The following ABCG1 variants were observed in gnomAD, a reference collection of about 807,000 sequenced individuals.
ABCG1 encodes the protein ATP-binding cassette sub-family G member 1.
A neutral mutation model predicts 69.2 loss-of-function variants in ABCG1; 29 were observed. The ratio of observed to expected loss-of-function variants is 0.42; its 90% CI spans 0.31 to 0.57. The LOEUF (loss-of-function observed/expected upper bound fraction) is 0.57. Ranked by LOEUF, ABCG1 falls within the 20% of genes least tolerant of loss-of-function variation. The probability of loss-of-function intolerance (pLI) is 0.15; values close to 1 mark genes in which losing one functional copy is unlikely to be tolerated. For missense variants in ABCG1, 718 were observed against 898.1 expected (o/e 0.80, Z 2.56); for synonymous variants, 370 against 374.8 (o/e 0.99, Z 0.15).
In ABCG1 at chr21:42,294,544, G is replaced by A. The variant is rs1447443273; in HGVS notation, c.1656G>A (p.Val552=). Reference sequence around the variant, plus strand: ...GTCCTGTGTGCCCCCAACTCCAGGTGGCCACTTTCGTGGGCCCAGTGACAG... The same window carrying A: ...GTCCTGTGTGCCCCCAACTCCAGGTAGCCACTTTCGTGGGCCCAGTGACAG... ...LIGAASTSLQ[V]ATFVGPVTAI... is the part of the protein sequence containing the mutation. The change falls in exon 14 of 15, where the codon GTG becomes GTA. Residue 552 remains valine, a splice_region_variant and synonymous_variant. Transcript: ENST00000398449. 5.0e-6 allele frequency: 8 copies of A among 1,613,550 alleles called. No individual in the cohort carries two copies. The Admixed American group carries it at 1.3e-4, about 27-fold the overall frequency.
At position 42,287,729 on chromosome 21, in the gene ABCG1, G is replaced by A. The variant is rs567477765; in HGVS notation, c.974-160G>A. Among the ~76,000 whole-genome samples the A allele has an allele frequency of 2.0e-5, 3 of 152,262 alleles. No individual in the cohort carries two copies. The highest frequency in any genetic ancestry group is 1.3e-4 in the Admixed American group (2 of 15,286). On this transcript the variant is annotated intron_variant, in intron 8 of 14. Transcript: ENST00000398449. The surrounding 1 kb of genome is among the most constrained non-coding windows in gnomAD (Gnocchi z 6.2). The stretch of plus-strand genomic sequence containing the variant: ...TTGCTGGGGGGTTTGAGAGCCGCAC[G>A]CTGGTTGATAAATGATTTTGACGTC...
At position 42,219,203 on chromosome 21, in the gene ABCG1, C is replaced by G. The variant is rs2067679673; in HGVS notation, c.-60C>G. ...GCCGGGAGCCAGCGCAGCCTCGGCC[C>G]CGCAGCTCAAGCCTCGTCCCCGCCG... On this transcript the variant is annotated 5_prime_UTR_variant, in exon 1 of 15. Coordinates refer to ENST00000398449, the MANE Select transcript of ABCG1 (RefSeq NM_016818.3). The surrounding 1 kb of genome is among the most constrained non-coding windows in gnomAD (Gnocchi z 5.3). 1.4e-6 allele frequency: 2 copies of G among 1,410,474 alleles called. No individual in the cohort carries two copies. The highest frequency in any genetic ancestry group is 2.8e-5 in the Admixed American group (1 of 35,532). 87.4% of individuals were successfully genotyped at this position (1,410,474 alleles called of 1,614,324 possible).
At chr21:42,218,884 C>A (rs1372759959), upstream of ABCG1, among the ~76,000 whole-genome samples, 3 of 152,198 alleles carry the variant, frequency 2.0e-5, no homozygotes, top group African/African-American at 4.8e-5. Context: ...CGCAGCCTCA[C>A]CCGTGCTGGC....
At chr21:42,280,619 G>A (rs1011165142) in intron 5 of ABCG1, among the ~76,000 whole-genome samples, 3 of 152,232 alleles carry the variant, frequency 2.0e-5, no homozygotes, top group Non-Finnish European at 2.9e-5. Flanking sequence ...TCACTCCTGA[G>A]CGGACACTGG....
Position 42,201,721 on chromosome 21 carries a change from C to T in ABCG1, c.46C>T (p.Gln16Ter). ...GACAAAACAGAGAAAGCCCTGCCCT[C>T]AGGTGTGGTCAGAAGAGACAGGGAA... The change falls in exon 2 of 16, where the codon CAG becomes TAG. Residue 16 changes from glutamine (Q) to a stop codon, truncating the protein, a stop_gained and splice_region_variant. Coordinates refer to the ABCG1 transcript ENST00000398457. LOFTEE classifies it high-confidence loss of function. 1 of 1,613,956 alleles carries T rather than the reference C, an allele frequency of 6.2e-7. No homozygotes were observed. Among genetic ancestry groups the T allele is most frequent in the Admixed American group, 1.7e-5 (1 of 60,020 alleles).
chr21:42,224,844 A>T (rs1601351928), intron 1 of ABCG1, among the ~76,000 whole-genome samples: 1 of 152,148 alleles, frequency 6.6e-6, no homozygotes, highest in African/African-American at 2.4e-5. Flanking sequence ...GGTTCTTGGC[A>T]ATCAGTTACA....
rs373772931 is a variant in ABCG1, at chr21:42,294,681, A to G, written c.1772+21A>G. The G allele has an allele frequency of 1.3e-4, 208 of 1,600,880 alleles. No individual in the cohort carries two copies. In the African/African-American group the frequency reaches 2.4e-3, roughly 19 times the overall value. ...GTCAGGTAGCGGGCGTGGGGCACGC[A>G]TGGCGTGGGGACCGAGGGTGACGGG... On this transcript the variant is annotated intron_variant, in intron 14 of 14. Transcript: ENST00000398449.
chr21:42,235,671 T>C (rs952497115), intron 2 of ABCG1, among the ~76,000 whole-genome samples: 1 of 152,224 alleles, frequency 6.6e-6, no homozygotes, highest in Non-Finnish European at 1.5e-5. Context: ...AAGGGATGTC[T>C]GGGTTACGAT....
chr21:42,291,409 G>T lies in ABCG1; in HGVS notation c.1495-89G>T. On this transcript the variant is annotated intron_variant, in intron 12 of 14. Coordinates refer to ENST00000398449, the MANE Select transcript of ABCG1 (RefSeq NM_016818.3). This position sits in a 1 kb window ranked among gnomAD's most constrained non-coding sequence, Gnocchi z 6.4. Reference sequence around the variant, plus strand: ...CTTTGGGAGCTCTGGCGGGAGCTGCGGGGAAGGGCTGGCTGCCCAGGAGCT... The same window carrying T: ...CTTTGGGAGCTCTGGCGGGAGCTGCTGGGAAGGGCTGGCTGCCCAGGAGCT... 6.5e-7 allele frequency: 1 copy of T among 1,529,002 alleles called. No homozygotes were observed. Among genetic ancestry groups the T allele is most frequent in the Middle Eastern group, 1.7e-4 (1 of 5,740 alleles). The allele number at this position is 1,529,002 out of a possible 1,614,324, so 94.7% of individuals were successfully genotyped here.
chr21:42,295,379 G>GAAAAAAAAAAAAAAAAAAAAA (rs2069188193), intron 14 of ABCG1: 1 of 105,616 alleles, frequency 9.5e-6, no homozygotes, highest in Non-Finnish European at 2.0e-5. Flanking sequence ...AAAAAAAAAG[G>GAAAAAAAAAAAAAAAAAAAAA]AAAGAAATCT....
At chr21:42,270,513 T>C (rs2068596754) in intron 2 of ABCG1, among the ~76,000 whole-genome samples, 1 of 152,074 alleles carries the variant, frequency 6.6e-6, no homozygotes, top group Non-Finnish European at 1.5e-5. Context: ...ATTAATAATA[T>C]ATTGATTATT....
In ABCG1 at chr21:42,276,919, G is replaced by A. The variant is rs1351081363; in HGVS notation, c.562G>A (p.Glu188Lys). 1 of 1,614,114 alleles carries A rather than the reference G, an allele frequency of 6.2e-7. No individual in the cohort carries two copies. Among genetic ancestry groups the A allele is most frequent in the Non-Finnish European group, 8.5e-7 (1 of 1,180,042 alleles). ...MMVSAHLKLQ[E>K]KDEGRREMVK... ...GGTGTCGGCACATCTGAAGCTTCAGGAGAAGGATGAAGGCAGAAGGGAAAT... is the reference window on the plus strand; with the variant it reads ...GGTGTCGGCACATCTGAAGCTTCAGAAGAAGGATGAAGGCAGAAGGGAAAT... The change falls in exon 5 of 15, where the codon GAG becomes AAG. Residue 188 changes from glutamate to lysine, a missense_variant. Transcript: ENST00000398449. This position sits in a 1 kb window ranked among gnomAD's most constrained non-coding sequence, Gnocchi z 5.3.
At position 42,284,700 on chromosome 21, in the gene ABCG1, C is replaced by T. The variant is rs1471972417; in HGVS notation, c.858+17C>T. ...TTCGACCAGGTACGCGGGCCCCGGGCCCTCCCCGCCAGATTACCACTGCAC... is the reference window on the plus strand; with the variant it reads ...TTCGACCAGGTACGCGGGCCCCGGGTCCTCCCCGCCAGATTACCACTGCAC... On this transcript the variant is annotated intron_variant, in intron 7 of 14. Transcript: ENST00000398449. 1.2e-6 allele frequency: 2 copies of T among 1,610,390 alleles called. No individual in the cohort carries two copies. Among genetic ancestry groups the T allele is most frequent in the East Asian group, 2.2e-5 (1 of 44,878 alleles).
intron 2 of ABCG1, among the ~76,000 whole-genome samples, chr21:42,241,991 A>AAAAG (rs1424016788): frequency 6.6e-6 from 1 of 151,808 alleles, no homozygotes; most frequent in East Asian, 1.9e-4. Context: ...AAAAAAAAAA[A>AAAAG]AAAAAGAACT....
At chr21:42,261,272 G>A (rs369431748) in intron 2 of ABCG1, among the ~76,000 whole-genome samples, 1 of 152,004 alleles carries the variant, frequency 6.6e-6, no homozygotes, top group Non-Finnish European at 1.5e-5. Context: ...ACTAAACGGA[G>A]GCATTTGTGA....
exon 2 of ABCG1, chr21:42,201,609 C>A: frequency 1.3e-6 from 2 of 1,562,048 alleles, no homozygotes; most frequent in East Asian, 2.4e-5. Context: ...CTTCCTGAGA[C>A]CTAAGATTCA....
chr21:42,202,759 C>T (rs991184933), intron 2 of ABCG1, among the ~76,000 whole-genome samples: 3 of 152,024 alleles, frequency 2.0e-5, no homozygotes, highest in Non-Finnish European at 4.4e-5. Flanking sequence ...CTACAGGTGC[C>T]CACCACCACG....
At chr21:42,284,523 C>A in intron 6 of ABCG1, 37 bp from the exon 7 acceptor site, 2 of 1,606,246 alleles carry the variant, frequency 1.2e-6, no homozygotes, top group Non-Finnish European at 1.7e-6. Flanking sequence ...TAGTTCCTGC[C>A]GCCCGCAGGC....
At chr21:42,228,484 T>C (rs2067852811) in intron 2 of ABCG1, among the ~76,000 whole-genome samples, 1 of 152,176 alleles carries the variant, frequency 6.6e-6, no homozygotes. Context: ...GTGCCTACAA[T>C]TCAGAGTCTA....
Sources: gnomAD v4.1 joint callset for allele counts (sites outside exome capture counted in the v4.1 genomes callset) on GRCh38, gnomAD v4.1.1 for gene constraint, Gnocchi (gnomAD v3.1) non-coding constraint, MANE v1.5 for transcripts, NCBI Gene and HGNC (gene_info 2026-07-23, HGNC 2026-07-21) for gene names.